PCNX2: variants seen among roughly 807,000 people sequenced by gnomAD.
PCNX2 encodes the protein pecanex 2, also known as pecanex-like protein 2.
A neutral mutation model predicts 223.8 loss-of-function variants in PCNX2; 168 were observed. That is an observed-to-expected ratio of 0.75 (90% CI 0.66 to 0.85). PCNX2 has a LOEUF of 0.85. Among genes scored for constraint, PCNX2 ranks in the 40% least tolerant of loss-of-function variants. PCNX2 has a pLI of 0.00. For missense variants in PCNX2, 2,507 were observed against 2,675.5 expected (o/e 0.94, Z 1.39); for synonymous variants, 1,006 against 1,052.6 (o/e 0.96, Z 0.86).
At chr1:233,176,782 G>A (rs1679500936) in intron 17 of PCNX2, among the ~76,000 whole-genome samples, 1 of 152,196 alleles carries the variant, frequency 6.6e-6, no homozygotes, top group African/African-American at 2.4e-5. Flanking sequence ...GGGAGGCTGA[G>A]GCAGGCAGAT....
chr1:233,220,398 A>G (rs966346448), intron 10 of PCNX2, among the ~76,000 whole-genome samples: 2 of 152,144 alleles, frequency 1.3e-5, no homozygotes, highest in Non-Finnish European at 2.9e-5. Context: ...TTGCATTCCC[A>G]CCAGCAGTGA....
the PCNX2 span, among the ~76,000 whole-genome samples, chr1:233,300,906 T>G: frequency 6.6e-6 from 1 of 152,168 alleles, no homozygotes; most frequent in South Asian, 2.1e-4. Flanking sequence ...AGTTTGCTTT[T>G]AGTCCATGGG....
intron 15 of PCNX2, among the ~76,000 whole-genome samples, chr1:233,190,822 A>G (rs572587318): frequency 6.6e-6 from 1 of 152,332 alleles, no homozygotes; most frequent in East Asian, 1.9e-4. Flanking sequence ...ACTGAATAGA[A>G]AACAGAAATA....
At chr1:233,074,416 A>G (rs1187252375) in intron 23 of PCNX2, among the ~76,000 whole-genome samples, 4 of 151,884 alleles carry the variant, frequency 2.6e-5, no homozygotes, top group Non-Finnish European at 5.9e-5. Context: ...AAAACGGTGA[A>G]ACCCCGTCTC....
chr1:233,264,181 A>G (rs1416519828), intron 1 of PCNX2, among the ~76,000 whole-genome samples: 5 of 152,106 alleles, frequency 3.3e-5, no homozygotes, highest in African/African-American at 1.2e-4. Context: ...TACCTTCCTA[A>G]TTCTCTCCAG....
intron 23 of PCNX2, among the ~76,000 whole-genome samples, chr1:233,079,160 C>T (rs937638526): frequency 2.0e-5 from 3 of 152,202 alleles, no homozygotes; most frequent in Non-Finnish European, 4.4e-5. Context: ...AGCACCTTCT[C>T]TGGCATTCTA....
rs1447178552 is a variant in PCNX2 at position 232,986,076 on chromosome 1, C to T, written c.6240+16G>A. On this transcript the variant is annotated intron_variant, in intron 33 of 33. Coordinates refer to ENST00000258229, the MANE Select transcript of PCNX2 (RefSeq NM_014801.4). Reference sequence around the variant, plus strand: ...CCATCCCAGCCTGTCCTGGTGAGCCCTGCCCAGCCCCTTACCCGAGTGGCC... The same window carrying T: ...CCATCCCAGCCTGTCCTGGTGAGCCTTGCCCAGCCCCTTACCCGAGTGGCC... The T allele has an allele frequency of 6.4e-7, 1 of 1,553,504 alleles. No individual in the cohort carries two copies. Among genetic ancestry groups the T allele is most frequent in the South Asian group, 1.2e-5 (1 of 84,178 alleles).
Position 233,161,330 on chromosome 1 carries a change from C to T in PCNX2, c.3307G>A (p.Ala1103Thr), listed in dbSNP as rs540162129. The part of the protein sequence containing the change: ...DVLKWDLIVC[A>T]VVAVLSFAVS... ...GCAAATGAGAGGACAGCAACCACTG[C>T]GCAGACGATGAGATCCCATTTTAAG... The change falls in exon 18 of 34, where the codon GCA (alanine) becomes ACA (threonine). Residue 1103 changes from alanine (A) to threonine (T), a missense_variant. By Grantham distance (58) the Ala-to-Thr change is moderately conservative. Transcript: ENST00000258229. 73 of 1,613,868 alleles carry T rather than the reference C, an allele frequency of 4.5e-5. No homozygotes were observed. In the South Asian group the frequency reaches 6.3e-4, roughly 14 times the overall value.
intron 25 of PCNX2, among the ~76,000 whole-genome samples, chr1:233,037,283 T>C (rs1187945196): frequency 6.6e-6 from 1 of 152,222 alleles, no homozygotes; most frequent in African/African-American, 2.4e-5. Flanking sequence ...TCTCCCCTAG[T>C]TCCAGTTTCC....
chr1:233,196,671 G>A (rs1050980103), intron 15 of PCNX2, among the ~76,000 whole-genome samples: 11 of 152,086 alleles, frequency 7.2e-5, no homozygotes, highest in African/African-American at 1.4e-4. Flanking sequence ...TGGTTCACAC[G>A]AGAATGGATT....
In PCNX2 at chr1:232,986,502, A is replaced by T. The variant is rs1251731004; in HGVS notation, c.5830T>A (p.Ser1944Thr). Residue 1944 changes from serine to threonine, a missense_variant, in exon 33 of 34, where the codon TCA becomes ACA. Transcript: ENST00000258229. ...KGRSQSVQAH[S>T]ALSQRPPMLS... ...ATGGGCGGCCTTTGGCTTAGCGCTG[A>T]GTGTGCCTGCACGGACTGGCTCCTG... The T allele has an allele frequency of 6.3e-7, 1 of 1,576,878 alleles. No homozygotes were observed. Among genetic ancestry groups the T allele is most frequent in the East Asian group, 2.3e-5 (1 of 44,304 alleles).
At chr1:233,145,156 C>T (rs950805315) in intron 19 of PCNX2, among the ~76,000 whole-genome samples, 4 of 151,810 alleles carry the variant, frequency 2.6e-5, no homozygotes, top group Admixed American at 1.3e-4. Context: ...TTAGTAGAGA[C>T]GGTGTTTCAC....
chr1:233,030,476 T>A (rs1051886256), intron 25 of PCNX2, among the ~76,000 whole-genome samples: 4 of 152,326 alleles, frequency 2.6e-5, no homozygotes, highest in African/African-American at 9.6e-5. Context: ...AAACTCTTGT[T>A]ATATGCTAGA....
intron 22 of PCNX2, among the ~76,000 whole-genome samples, chr1:233,091,862 T>G (rs1291637212): frequency 6.6e-6 from 1 of 151,974 alleles, no homozygotes; most frequent in Non-Finnish European, 1.5e-5. Flanking sequence ...ATTCCAATGT[T>G]GAATTGTTTA....
intron 26 of PCNX2, chr1:233,018,970 G>A (rs1215326760): frequency 3.0e-6 from 3 of 985,420 alleles, no homozygotes; most frequent in Non-Finnish European, 3.6e-6. Context: ...GGAGTGGGCT[G>A]AGAAACCCTT....
chr1:233,283,174 A>C (rs1037776793), intron 1 of PCNX2, among the ~76,000 whole-genome samples: 2 of 152,204 alleles, frequency 1.3e-5, no homozygotes, highest in African/African-American at 4.8e-5. Flanking sequence ...CTGTGGGAGA[A>C]GGGAGATATA....
intron 9 of PCNX2, among the ~76,000 whole-genome samples, chr1:233,233,718 G>A (rs1174893635): frequency 1.3e-5 from 2 of 151,998 alleles, no homozygotes; most frequent in Non-Finnish European, 2.9e-5. Flanking sequence ...GCACTTGAAG[G>A]AGAGAGGCAG....
At chr1:233,297,283 G>A (rs1662177250), upstream of PCNX2, among the ~76,000 whole-genome samples, 1 of 152,210 alleles carries the variant, frequency 6.6e-6, no homozygotes, top group South Asian at 2.1e-4. Context: ...AACACCTTCT[G>A]GGTGTCAAGC....
chr1:233,204,764 C>A (rs1327164480), intron 13 of PCNX2, among the ~76,000 whole-genome samples: 2 of 152,052 alleles, frequency 1.3e-5, no homozygotes, highest in African/African-American at 2.4e-5. Context: ...TTCTATTTTT[C>A]TATTTATCTT....
Sources: allele counts gnomAD v4.1 joint callset (sites outside exome capture counted in the v4.1 genomes callset), GRCh38; gene constraint gnomAD v4.1.1; transcripts MANE v1.5; gene names NCBI Gene and HGNC (gene_info 2026-07-23, HGNC 2026-07-21).